Variants in CUEDC2 observed in about 807,000 individuals in gnomAD.
CUEDC2 encodes the protein CUE domain-containing protein 2.
Under a neutral mutation model 36.0 loss-of-function variants are expected in CUEDC2, and 10 were observed. That is an observed-to-expected ratio of 0.28 (90% CI 0.17 to 0.47). CUEDC2 has a LOEUF of 0.47. Ranked by LOEUF, CUEDC2 falls within the 20% of genes least tolerant of loss-of-function variation. The probability of loss-of-function intolerance (pLI) is 0.99; values close to 1 mark genes in which losing one functional copy is unlikely to be tolerated. For missense variants in CUEDC2, 269 were observed against 368.1 expected (o/e 0.73, Z 2.20); for synonymous variants, 133 against 141.8 (o/e 0.94, Z 0.44).
chr10:102,426,296 G>A (rs1565237227), intron 1 of CUEDC2, among the ~76,000 whole-genome samples: 1 of 152,144 alleles, frequency 6.6e-6, no homozygotes, highest in African/African-American at 2.4e-5. Flanking sequence ...CATATGGGTG[G>A]TAATGAATGG....
intron 1 of CUEDC2, among the ~76,000 whole-genome samples, chr10:102,428,037 G>T (rs796341169): frequency 1.6e-4 from 24 of 152,230 alleles, no homozygotes; most frequent in African/African-American, 5.5e-4. Context: ...TGCCTCCTGG[G>T]TTCAAGCGAT....
In CUEDC2 at chr10:102,425,102, G is replaced by A. The variant is rs1316073916; in HGVS notation, c.74+13C>T. ...CAGCACTGACATGAGCCTTCCGGGG[G>A]ACCCGTCTCTACCTGAGGTCGGCCT... On this transcript the variant is annotated intron_variant, in intron 2 of 8. Transcript: ENST00000369937. 5.0e-6 allele frequency: 8 copies of A among 1,611,016 alleles called. No individual in the cohort carries two copies. Among genetic ancestry groups the A allele is most frequent in the Non-Finnish European group, 5.1e-6 (6 of 1,177,654 alleles).
At chr10:102,428,149 C>G (rs999046335) in intron 1 of CUEDC2, among the ~76,000 whole-genome samples, 1 of 152,128 alleles carries the variant, frequency 6.6e-6, no homozygotes, top group Non-Finnish European at 1.5e-5. Flanking sequence ...CCATGTTGGC[C>G]AGGCAGGTCT....
intron 1 of CUEDC2, among the ~76,000 whole-genome samples, chr10:102,427,366 T>C (rs1358843753): frequency 6.6e-6 from 1 of 152,082 alleles, no homozygotes; most frequent in East Asian, 1.9e-4. Flanking sequence ...TCTAGTCCAG[T>C]CTCCTCTGAG....
At chr10:102,430,095 G>A (rs61873665) in intron 1 of CUEDC2, among the ~76,000 whole-genome samples, 11,787 of 147,152 alleles carry the variant, frequency 0.08, 530 homozygotes, top group African/African-American at 0.13. Context: ...CCACCTGTGT[G>A]GTGGTGACTG....
At chr10:102,430,270 G>A (rs1280957276) in intron 1 of CUEDC2, among the ~76,000 whole-genome samples, 4 of 151,748 alleles carry the variant, frequency 2.6e-5, no homozygotes, top group Non-Finnish European at 4.4e-5. Flanking sequence ...CTGGGTTCAA[G>A]CGATTCTCCT....
rs568063258 is a variant in CUEDC2 at position 102,427,402 on chromosome 10, T to A, written c.-10-2204A>T. 4.6e-5 allele frequency among the ~76,000 whole-genome samples: 7 copies of A among 152,326 alleles called. No homozygotes were observed. In the East Asian group the frequency reaches 9.6e-4, roughly 21 times the overall value. On this transcript the variant is annotated intron_variant, in intron 1 of 8. Coordinates refer to ENST00000369937, the MANE Select transcript of CUEDC2 (RefSeq NM_024040.3). ...CTACAGGCTTGGACATCTACCTCTC[T>A]AACACTGCCACGTGTATGTTTTACA...
chr10:102,432,156 G>C (rs1565238664), intron 1 of CUEDC2, among the ~76,000 whole-genome samples: 1 of 152,194 alleles, frequency 6.6e-6, no homozygotes, highest in East Asian at 1.9e-4. Context: ...GGGCATTGAG[G>C]GGAACAAGGG....
Position 102,424,518 on chromosome 10 carries a change from C to T in CUEDC2, c.261G>A (p.Leu87=), listed in dbSNP as rs1296503067. The T allele has an allele frequency of 6.2e-7, 1 of 1,614,170 alleles. No individual in the cohort carries two copies. The highest frequency in any genetic ancestry group is 1.1e-5 in the South Asian group (1 of 91,082). Reference sequence around the variant, plus strand: ...ACTCACCTTTGTTCCTGGCATCGCTCAGCTGCCCTGAGAGCTTCTGCATCA... The same window carrying T: ...ACTCACCTTTGTTCCTGGCATCGCTTAGCTGCCCTGAGAGCTTCTGCATCA... ...GDMMQKLSGQ[L]SDARNKENLQ... The change falls in exon 4 of 9, where the codon CTG becomes CTA. Residue 87 remains leucine (L), a synonymous_variant. Coordinates refer to ENST00000369937, the MANE Select transcript of CUEDC2 (RefSeq NM_024040.3). This position sits in a 1 kb window ranked among gnomAD's most constrained non-coding sequence, Gnocchi z 4.2.
At chr10:102,431,779 A>C (rs991830046) in intron 1 of CUEDC2, among the ~76,000 whole-genome samples, 6 of 152,182 alleles carry the variant, frequency 3.9e-5, no homozygotes, top group African/African-American at 1.4e-4. Flanking sequence ...CCCCACCTTC[A>C]CTGCTCCCAG....
rs778210426 is a variant in CUEDC2 at position 102,424,382 on chromosome 10, G to A, written c.293C>T (p.Pro98Leu). The A allele has an allele frequency of 8.7e-6, 14 of 1,614,040 alleles. No individual in the cohort carries two copies. The highest frequency in any genetic ancestry group is 2.2e-5 in the East Asian group (1 of 44,878). Residue 98 changes from proline (P) to leucine (L), a missense_variant, in exon 5 of 9, where the codon CCG becomes CTG. By Grantham distance (98) the Pro-to-Leu change is moderately conservative (BLOSUM62 -3). Transcript: ENST00000369937. This position sits in a 1 kb window ranked among gnomAD's most constrained non-coding sequence, Gnocchi z 4.2. Reference protein sequence around the residue: ...SDARNKENLQPQSSGVQGQVP... With the variant: ...SDARNKENLQLQSSGVQGQVP... ...CTGACCTTGGACACCAGAGCTCTGC[G>A]GTTGCAGGTTCTCTTAAAGAGGCAA...
At chr10:102,427,810 G>A (rs1007613356) in intron 1 of CUEDC2, among the ~76,000 whole-genome samples, 8 of 152,098 alleles carry the variant, frequency 5.3e-5, no homozygotes, top group Non-Finnish European at 1.2e-4. Flanking sequence ...ACCCTTCAGG[G>A]AAGTCCAGAA....
chr10:102,431,425 T>C (rs1041105003), intron 1 of CUEDC2, among the ~76,000 whole-genome samples: 1 of 152,186 alleles, frequency 6.6e-6, no homozygotes, highest in African/African-American at 2.4e-5. Flanking sequence ...ATTACAGGCA[T>C]GAACCACCGC....
rs2061584144 is a variant in CUEDC2, at chr10:102,423,742, C to T, written c.657-25G>A. 6 of 1,614,114 alleles carry T rather than the reference C, an allele frequency of 3.7e-6. No individual in the cohort carries two copies. In the East Asian group the frequency reaches 1.1e-4, roughly 30 times the overall value. Reference sequence around the variant, plus strand: ...CCTGTCAAAAACTGGCTGGGTGAAGCTCCTGTCACCCTGGGAAGACCCTCT... The same window carrying T: ...CCTGTCAAAAACTGGCTGGGTGAAGTTCCTGTCACCCTGGGAAGACCCTCT... On this transcript the variant is annotated intron_variant, in intron 7 of 8. Transcript: ENST00000369937. This position sits in a 1 kb window ranked among gnomAD's most constrained non-coding sequence, Gnocchi z 5.6.
chr10:102,425,567 A>G (rs2061593285), intron 1 of CUEDC2, among the ~76,000 whole-genome samples: 1 of 151,328 alleles, frequency 6.6e-6, no homozygotes, highest in Non-Finnish European at 1.5e-5. Flanking sequence ...TTGGCCCCCA[A>G]GTCCAATCAC....
chr10:102,425,240 GC>G, intron 1 of CUEDC2, 42 bp from the exon 2 acceptor site: 1 of 1,499,384 alleles, frequency 6.7e-7, no homozygotes, highest in Non-Finnish European at 9.3e-7. Flanking sequence ...TCTTCTGCCT[GC>G]CCCCACCCAC....
intron 1 of CUEDC2, among the ~76,000 whole-genome samples, chr10:102,425,877 C>G (rs2061594407): frequency 6.6e-6 from 1 of 152,120 alleles, no homozygotes; most frequent in South Asian, 2.1e-4. Flanking sequence ...TGCTCCCACC[C>G]CACCTTCTGT....
At chr10:102,426,127 A>C (rs1467722424) in intron 1 of CUEDC2, among the ~76,000 whole-genome samples, 1 of 152,230 alleles carries the variant, frequency 6.6e-6, no homozygotes, top group Admixed American at 6.5e-5. Context: ...GCTCCAAAGC[A>C]AGGTGGGGAT....
rs372449595 is a variant in CUEDC2, at chr10:102,424,524, C to T, written c.255G>A (p.Gly85=). 2.1e-5 allele frequency: 34 copies of T among 1,614,036 alleles called. No homozygotes were observed. The highest frequency in any genetic ancestry group is 4.0e-5 in the African/African-American group (3 of 74,910). Residue 85 remains glycine, a synonymous_variant, in exon 4 of 9, where the codon GGG becomes GGA. Transcript: ENST00000369937. The surrounding 1 kb of genome is among the most constrained non-coding windows in gnomAD (Gnocchi z 4.2). ...TIGDMMQKLS[G]QLSDARNKEN... is the part of the protein sequence containing the mutation. ...CTTTGTTCCTGGCATCGCTCAGCTG[C>T]CCTGAGAGCTTCTGCATCATGTCCC...
Sources: allele counts gnomAD v4.1 joint callset (sites outside exome capture counted in the v4.1 genomes callset), GRCh38; gene constraint gnomAD v4.1.1; non-coding constraint Gnocchi (gnomAD v3.1); transcripts MANE v1.5; gene names NCBI Gene and HGNC (gene_info 2026-07-23, HGNC 2026-07-21).